PLEKHG1: variants seen among roughly 807,000 people sequenced by gnomAD.
PLEKHG1 encodes the protein pleckstrin homology domain-containing family G member 1.
A neutral mutation model predicts 100.8 loss-of-function variants in PLEKHG1; 44 were observed. The observed-to-expected ratio is 0.44, with a 90% CI of 0.34 to 0.56. PLEKHG1 has a LOEUF of 0.56. Among genes scored for constraint, PLEKHG1 ranks in the 20% least tolerant of loss-of-function variants. PLEKHG1 has a pLI of 0.01. For synonymous variants in PLEKHG1, 640 were observed against 662.5 expected (o/e 0.97, Z 0.52); for missense variants, 1,545 against 1,720.9 (o/e 0.90, Z 1.81).
Position 150,758,458 on chromosome 6 carries a change from C to T in PLEKHG1, c.412-10180C>T, listed in dbSNP as rs1353337589. ...TCAAGTGATTCTCCTGCCTCAGCCT[C>T]CCGAGTAGCTGGAATTACAGGCACA... On this transcript the variant is annotated intron_variant, in intron 2 of 15. Coordinates refer to ENST00000358517, the Ensembl canonical transcript of PLEKHG1. 2.0e-5 allele frequency among the ~76,000 whole-genome samples: 3 copies of T among 152,090 alleles called. No homozygotes were observed. In the East Asian group the frequency reaches 5.8e-4, roughly 29 times the overall value.
At chr6:150,801,433 TTTTC>T (rs1786695508) in intron 6 of PLEKHG1, among the ~76,000 whole-genome samples, 1 of 114,596 alleles carries the variant, frequency 8.7e-6, no homozygotes. Context: ...TTTTCTTTTC[TTTTC>T]TTTTTTTTTT....
chr6:150,664,851 G>T (rs946001905), intron 3 of PLEKHG1, among the ~76,000 whole-genome samples: 1 of 152,170 alleles, frequency 6.6e-6, no homozygotes, highest in Non-Finnish European at 1.5e-5. Flanking sequence ...CTTCTATCTC[G>T]GGGAGTTTTA....
chr6:150,674,632 CCTCTCT>C (rs756355880), intron 3 of PLEKHG1, among the ~76,000 whole-genome samples: 835 of 66,320 alleles, frequency 0.013, 15 homozygotes, highest in African/African-American at 0.021. Flanking sequence ...CTCTCTCCTC[CCTCTCT>C]CTCTCTCTCT....
chr6:150,839,935 C>G, exon 16 of PLEKHG1: 1 of 1,613,400 alleles, frequency 6.2e-7, no homozygotes, highest in Non-Finnish European at 8.5e-7. Context: ...CAAGAATCCT[C>G]CCTCCTGAGG....
chr6:150,634,156 A>G (rs11962767), intron 1 of PLEKHG1, among the ~76,000 whole-genome samples: 2,537 of 151,770 alleles, frequency 0.017, 72 homozygotes, highest in African/African-American at 0.057. Flanking sequence ...AGGCAGGAGA[A>G]TCACTTGAAC....
At chr6:150,779,798 C>G (rs1785206911) in intron 3 of PLEKHG1, among the ~76,000 whole-genome samples, 1 of 151,666 alleles carries the variant, frequency 6.6e-6, no homozygotes. Context: ...AACCCTGTCT[C>G]TACTAAAAAT....
At chr6:150,752,336 G>A (rs1783568019) in intron 2 of PLEKHG1, among the ~76,000 whole-genome samples, 1 of 152,084 alleles carries the variant, frequency 6.6e-6, no homozygotes, top group Non-Finnish European at 1.5e-5. Context: ...ACATAATTCA[G>A]TGGCATTAAG....
chr6:150,698,680 C>T (rs532802694), intron 3 of PLEKHG1, among the ~76,000 whole-genome samples: 1 of 152,328 alleles, frequency 6.6e-6, no homozygotes, highest in Admixed American at 6.5e-5. Context: ...AGTTCTAAAG[C>T]TCTCCTTGTG....
At chr6:150,813,670 TGA>T (rs2128672822) in intron 10 of PLEKHG1, among the ~76,000 whole-genome samples, 1 of 152,166 alleles carries the variant, frequency 6.6e-6, no homozygotes, top group African/African-American at 2.4e-5. Context: ...GGACTTAATG[TGA>T]GAGAGAAGGA....
chr6:150,688,518 C>CA (rs1780226593), intron 3 of PLEKHG1, among the ~76,000 whole-genome samples: 1 of 152,088 alleles, frequency 6.6e-6, no homozygotes, highest in Non-Finnish European at 1.5e-5. Context: ...AACAGGGCTT[C>CA]ACCATATTGG....
At position 150,757,723 on chromosome 6, in the gene PLEKHG1, G is replaced by C. The variant is rs557073018; in HGVS notation, c.412-10915G>C. 3.3e-5 allele frequency among the ~76,000 whole-genome samples: 5 copies of C among 152,266 alleles called. No homozygotes were observed. In the South Asian group the frequency reaches 1.0e-3, roughly 32 times the overall value. On this transcript the variant is annotated intron_variant, in intron 2 of 15. Transcript: ENST00000358517. ...TCTTCTTCAACATTTAAGTTCCGGG[G>C]TACATGTGCGGGATGTGCAGTTTTA...
At chr6:150,674,807 TG>T (rs1167033331) in intron 3 of PLEKHG1, among the ~76,000 whole-genome samples, 1 of 151,964 alleles carries the variant, frequency 6.6e-6, no homozygotes, top group African/African-American at 2.4e-5. Context: ...CTCAGCCTCC[TG>T]AGTAGCTGGG....
At chr6:150,652,476 A>G (rs1778786715) in intron 3 of PLEKHG1, among the ~76,000 whole-genome samples, 1 of 152,110 alleles carries the variant, frequency 6.6e-6, no homozygotes, top group African/African-American at 2.4e-5. Context: ...TAATCCCAGC[A>G]CTTTGGGAGG....
At chr6:150,842,345 A>G (rs1242378972) in exon 16 of PLEKHG1, 5 of 152,148 alleles carry the variant, frequency 3.3e-5, no homozygotes, top group Non-Finnish European at 7.3e-5. Context: ...ACAATAATAT[A>G]TGTAGGGAAA....
chr6:150,726,714 A>T (rs1258762555), intron 1 of PLEKHG1, among the ~76,000 whole-genome samples: 1 of 152,150 alleles, frequency 6.6e-6, no homozygotes, highest in Non-Finnish European at 1.5e-5. Flanking sequence ...ACAAATAAAT[A>T]TGAAAATCAT....
chr6:150,622,530 G>T (rs1488180472), intron 1 of PLEKHG1, among the ~76,000 whole-genome samples: 1 of 152,032 alleles, frequency 6.6e-6, no homozygotes, highest in Non-Finnish European at 1.5e-5. Context: ...TCTGAGTTAG[G>T]TTACTGGGAT....
At chr6:150,641,311 G>A (rs1306016471) in intron 2 of PLEKHG1, among the ~76,000 whole-genome samples, 2 of 152,164 alleles carry the variant, frequency 1.3e-5, no homozygotes, top group Non-Finnish European at 2.9e-5. Flanking sequence ...TTCTGTGAAG[G>A]AAAGCAAAAA....
intron 15 of PLEKHG1, among the ~76,000 whole-genome samples, chr6:150,833,838 G>A (rs573156206): frequency 7.6e-4 from 115 of 152,274 alleles, no homozygotes; most frequent in Admixed American, 3.0e-3. Flanking sequence ...TTAGTATCAG[G>A]ACAGGCTCTG....
chr6:150,618,969 G>A (rs1370849297), intron 1 of PLEKHG1, among the ~76,000 whole-genome samples: 1 of 152,144 alleles, frequency 6.6e-6, no homozygotes, highest in Non-Finnish European at 1.5e-5. Flanking sequence ...TGTAGTTCCA[G>A]CTACTCCAGA....
Sources: gnomAD v4.1 joint callset for allele counts (sites outside exome capture counted in the v4.1 genomes callset) on GRCh38, gnomAD v4.1.1 for gene constraint, MANE v1.5 for transcripts, NCBI Gene and HGNC (gene_info 2026-07-23, HGNC 2026-07-21) for gene names.